TNIP3: variants seen among roughly 807,000 people sequenced by gnomAD.
TNIP3 encodes the protein TNFAIP3-interacting protein 3.
In TNIP3, 34 loss-of-function variants were observed where a neutral mutation model predicts 54.1. That is an observed-to-expected ratio of 0.63 (90% CI 0.48 to 0.84). TNIP3 has a LOEUF of 0.84. TNIP3 is among the 40% of genes least tolerant of loss of function. The pLI, the probability that TNIP3 is intolerant of heterozygous loss-of-function variation, is 0.00. For synonymous variants in TNIP3, 134 were observed against 136.8 expected, an observed-to-expected ratio of 0.98 and a Z score of 0.14; for missense variants, 366 against 387.6, an observed-to-expected ratio of 0.94 and a Z score of 0.47.
At chr4:121,159,333 G>A (rs1364222838) in intron 2 of TNIP3, among the ~76,000 whole-genome samples, 1 of 152,206 alleles carries the variant, frequency 6.6e-6, no homozygotes, top group Non-Finnish European at 1.5e-5. Context: ...CAGTTTATCA[G>A]TAACTTTTAA....
intron 6 of TNIP3, 56 bp downstream of exon 6, chr4:121,150,047 G>C: frequency 9.3e-7 from 1 of 1,077,366 alleles, no homozygotes; most frequent in East Asian, 2.4e-5. Flanking sequence ...GCCCAAAGAA[G>C]CATGAAAAAT....
At chr4:121,153,437 C>T (rs1729883772) in intron 5 of TNIP3, among the ~76,000 whole-genome samples, 1 of 151,956 alleles carries the variant, frequency 6.6e-6, no homozygotes, top group Admixed American at 6.6e-5. Flanking sequence ...TAAATATAAT[C>T]TCAATTATTT....
upstream of TNIP3, among the ~76,000 whole-genome samples, chr4:121,216,830 T>C (rs556107792): frequency 3.3e-5 from 5 of 152,330 alleles, no homozygotes; most frequent in Non-Finnish European, 7.4e-5. Context: ...GTTAAAGTTG[T>C]CAGACTGACA....
rs555765626 is a variant in TNIP3 at position 121,154,939 on chromosome 4, GA to G, written c.364-261del. On this transcript the variant is annotated intron_variant, in intron 4 of 10. Coordinates refer to ENST00000057513, the MANE Select transcript of TNIP3 (RefSeq NM_024873.6). ...TATCTTAGAAATTTTGTGACCCCAG[GA>G]AAAAAAAAATCAAAATTCCCAATTC... Among the ~76,000 whole-genome samples the G allele has an allele frequency of 5.1e-3, 738 of 143,374 alleles. 5 individuals carry two copies. Among genetic ancestry groups the G allele is most frequent in the African/African-American group, 0.018 (686 of 39,184 alleles). 94.1% of individuals were successfully genotyped at this position (143,374 alleles called of 152,430 possible).
intron 2 of TNIP3, among the ~76,000 whole-genome samples, chr4:121,211,121 A>G (rs561045311): frequency 6.6e-6 from 1 of 152,312 alleles, no homozygotes; most frequent in East Asian, 1.9e-4. Context: ...CCTGACATAG[A>G]AATATTTCCT....
intron 2 of TNIP3, among the ~76,000 whole-genome samples, chr4:121,211,028 C>T (rs972727014): frequency 4.6e-5 from 7 of 151,894 alleles, no homozygotes; most frequent in African/African-American, 1.7e-4. Context: ...AATTGAAAAC[C>T]CTGATCTGGT....
In TNIP3 at chr4:121,206,753, A is replaced by G. The variant is rs1160420416; in HGVS notation, c.68+9662T>C. Among the ~76,000 whole-genome samples, 3 of 151,932 alleles carry G rather than the reference A, an allele frequency of 2.0e-5. No homozygotes were observed. In the East Asian group the frequency reaches 5.8e-4, roughly 29 times the overall value. On this transcript the variant is annotated intron_variant, in intron 2 of 12. Transcript: ENST00000507879. ...ATTTTTTCTTTTTTTATCTTTTAAT[A>G]CAGATGGGGTTTCACCATGTTGCAC...
chr4:121,204,069 A>T lies in TNIP3; in HGVS notation c.68+12346T>A, dbSNP rs542923703. ...AAATCTCTGACTATTCCTTCAGTTC[A>T]TACATATTGCTCTAATTATTTTAAA... is the stretch of plus-strand genomic sequence containing the variant. On this transcript the variant is annotated intron_variant, in intron 2 of 12. Coordinates refer to the TNIP3 transcript ENST00000507879. Among the ~76,000 whole-genome samples the T allele has an allele frequency of 5.9e-5, 9 of 151,988 alleles. No individual in the cohort carries two copies. The East Asian group carries it at 1.5e-3, about 26-fold the overall frequency.
chr4:121,178,998 G>T (rs1015542998), intron 3 of TNIP3, among the ~76,000 whole-genome samples: 25 of 152,286 alleles, frequency 1.6e-4, no homozygotes, highest in African/African-American at 5.8e-4. Flanking sequence ...CAGGGAGGGG[G>T]CTGAGTAACG....
At chr4:121,219,406 A>G (rs1033583141), upstream of TNIP3, among the ~76,000 whole-genome samples, 1 of 152,198 alleles carries the variant, frequency 6.6e-6, no homozygotes, top group African/African-American at 2.4e-5. Flanking sequence ...TGTTTCACTT[A>G]GCCGAAAGAT....
Position 121,181,436 on chromosome 4 carries a change from T to A in TNIP3, c.189+1240A>T, listed in dbSNP as rs116015576. Among the ~76,000 whole-genome samples, 656 of 152,312 alleles carry A rather than the reference T, an allele frequency of 4.3e-3. 6 individuals carry two copies. The highest frequency in any genetic ancestry group is 0.015 in the African/African-American group (628 of 41,570). ...AAGAAAGAGGCCTTATTTGACCTCA[T>A]AACCATTAGTACACATTCATCTGTA... On this transcript the variant is annotated intron_variant, in intron 3 of 12. Coordinates refer to the TNIP3 transcript ENST00000507879.
intron 9 of TNIP3, among the ~76,000 whole-genome samples, chr4:121,138,993 T>C (rs1728952855): frequency 6.6e-6 from 1 of 152,206 alleles, no homozygotes; most frequent in African/African-American, 2.4e-5. Flanking sequence ...TTGTAAAACT[T>C]ACTACAGCCC....
chr4:121,187,823 G>T (rs1725102175), intron 2 of TNIP3, among the ~76,000 whole-genome samples: 1 of 152,006 alleles, frequency 6.6e-6, no homozygotes, highest in African/African-American at 2.4e-5. Context: ...CTGAAGATAG[G>T]GTCTCTAACA....
rs140819114 is a variant in TNIP3 at position 121,160,277 on chromosome 4, T to C, written c.147+859A>G. Among the ~76,000 whole-genome samples, 379 of 152,164 alleles carry C rather than the reference T, an allele frequency of 2.5e-3. 2 individuals are homozygous for C. In the Middle Eastern group the frequency reaches 0.031, roughly 12 times the overall value. On this transcript the variant is annotated intron_variant, in intron 2 of 10. Coordinates refer to ENST00000057513, the MANE Select transcript of TNIP3 (RefSeq NM_024873.6). ...GCAGATCACTTGAGGATAGGAGTTC[T>C]AGACCAGGCTGGCCAAAATGGCGAA... is the stretch of plus-strand genomic sequence containing the variant.
intron 1 of TNIP3, among the ~76,000 whole-genome samples, chr4:121,162,580 T>A (rs1463027241): frequency 6.6e-6 from 1 of 152,216 alleles, no homozygotes; most frequent in African/African-American, 2.4e-5. Flanking sequence ...TTAAGCATCT[T>A]TGATCTGGAA....
At chr4:121,158,631 T>C (rs551754053) in intron 3 of TNIP3, 56 bp downstream of exon 3, 2 of 1,358,410 alleles carry the variant, frequency 1.5e-6, no homozygotes, top group East Asian at 4.6e-5. Context: ...TTCACACAAT[T>C]GGCCCCACCA....
exon 3 of TNIP3, chr4:121,182,710 G>A (rs1347288670): frequency 1.3e-6 from 2 of 1,534,122 alleles, no homozygotes; most frequent in East Asian, 2.4e-5. Flanking sequence ...AGTTGGCATG[G>A]CCTCTGGGGT....
intron 2 of TNIP3, chr4:121,216,334 C>T (rs976789013): frequency 3.3e-6 from 4 of 1,210,162 alleles, no homozygotes; most frequent in African/African-American, 1.5e-5. Flanking sequence ...TCTTAATACA[C>T]TATCATTGCC....
chr4:121,182,645 C>A, intron 3 of TNIP3: 1 of 1,532,294 alleles, frequency 6.5e-7, no homozygotes, highest in Non-Finnish European at 8.7e-7. Flanking sequence ...AAGGGTACAT[C>A]GAGATAAGGA....
Sources: gnomAD v4.1 joint callset for allele counts (sites outside exome capture counted in the v4.1 genomes callset) on GRCh38, gnomAD v4.1.1 for gene constraint, MANE v1.5 for transcripts, NCBI Gene and HGNC (gene_info 2026-07-23, HGNC 2026-07-21) for gene names.